The following MYH15 variants were observed in gnomAD, a reference collection of about 807,000 sequenced individuals.
MYH15 encodes myosin heavy chain 15.
MYH15 carries 227 observed loss-of-function variants against 240.5 expected under a neutral mutation model. The observed-to-expected ratio is 0.94, with a 90% CI of 0.85 to 1.05. The LOEUF (loss-of-function observed/expected upper bound fraction) is 1.05, where lower values mean the gene tolerates loss of function less well. MYH15 is among the 50% of genes least tolerant of loss of function. The probability of loss-of-function intolerance (pLI) is 0.00; values close to 1 mark genes in which losing one functional copy is unlikely to be tolerated. For synonymous variants in MYH15, 785 were observed against 796.7 expected, an observed-to-expected ratio of 0.99 and a Z score of 0.25; for missense variants, 2,217 against 2,247.5, an observed-to-expected ratio of 0.99 and a Z score of 0.27.
chr3:108,529,031 G>C (rs1374348854), intron 1 of MYH15, among the ~76,000 whole-genome samples: 1 of 152,190 alleles, frequency 6.6e-6, no homozygotes, highest in Non-Finnish European at 1.5e-5. Context: ...AGAGCACACA[G>C]AATGAAATCA....
intron 21 of MYH15, among the ~76,000 whole-genome samples, chr3:108,449,407 G>C (rs2107574390): frequency 6.6e-6 from 1 of 152,172 alleles, no homozygotes; most frequent in Middle Eastern, 3.4e-3. Flanking sequence ...CAATGGAACA[G>C]ATCAGAGAAC....
intron 24 of MYH15, among the ~76,000 whole-genome samples, chr3:108,438,128 G>A (rs1330654303): frequency 6.6e-6 from 1 of 152,152 alleles, no homozygotes; most frequent in African/African-American, 2.4e-5. Context: ...GCTCCCTGGA[G>A]CAACACCAAG....
chr3:108,447,900 T>C (rs1174843857), intron 21 of MYH15, among the ~76,000 whole-genome samples: 1 of 152,156 alleles, frequency 6.6e-6, no homozygotes, highest in Admixed American at 6.5e-5. Flanking sequence ...AAACTATAGC[T>C]ATAATAACTG....
At chr3:108,423,848 G>A (rs919120777) in intron 27 of MYH15, among the ~76,000 whole-genome samples, 3 of 152,332 alleles carry the variant, frequency 2.0e-5, no homozygotes, top group African/African-American at 7.2e-5. Flanking sequence ...TGTATGAAGT[G>A]GTGATAAAGG....
Position 108,383,607 on chromosome 3 carries a change from C to T in MYH15, c.5754G>A (p.Glu1918=). 6.2e-7 allele frequency: 1 copy of T among 1,612,620 alleles called. No individual in the cohort carries two copies. Among genetic ancestry groups the T allele is most frequent in the Non-Finnish European group, 8.5e-7 (1 of 1,179,378 alleles). The change falls in exon 40 of 41, where the codon GAG becomes GAA. Residue 1918 remains glutamate, a synonymous_variant. Coordinates refer to ENST00000693548, the MANE Select transcript of MYH15 (RefSeq NM_014981.3). ...ATATCTGCCATACCTTTTTCCCAAA[C>T]TCTCTTGCTTTAATTTTGAGTTTAT... ...QVNKLKIKAR[E]FGKKVQEE
intron 26 of MYH15, among the ~76,000 whole-genome samples, 178 bp downstream of exon 26, chr3:108,430,654 T>A (rs1371810273): frequency 6.6e-6 from 1 of 152,218 alleles, no homozygotes; most frequent in African/African-American, 2.4e-5. Context: ...TAAGGAAATT[T>A]AAGCTTAACT....
At chr3:108,421,339 C>G in intron 27 of MYH15, 125 bp from the exon 28 acceptor site, 1 of 1,123,710 alleles carries the variant, frequency 8.9e-7, no homozygotes, top group Non-Finnish European at 1.3e-6. Flanking sequence ...AAGAGCTCAG[C>G]CAGCATTGGG....
the MYH15 span, among the ~76,000 whole-genome samples, chr3:108,534,329 T>A: frequency 6.6e-6 from 1 of 152,208 alleles, no homozygotes; most frequent in Non-Finnish European, 1.5e-5. Flanking sequence ...GATAGTATAT[T>A]TTCTTCTAAT....
chr3:108,534,554 G>C, the MYH15 span, among the ~76,000 whole-genome samples: 7 of 152,002 alleles, frequency 4.6e-5, no homozygotes, highest in Non-Finnish European at 1.0e-4. Context: ...TGTTTCTGAA[G>C]CTTAAGAAAA....
chr3:108,457,289 G>A (rs2083030834), intron 18 of MYH15, among the ~76,000 whole-genome samples: 1 of 152,172 alleles, frequency 6.6e-6, no homozygotes, highest in South Asian at 2.1e-4. Context: ...GCAGGAGGGG[G>A]AAGGGATAAG....
chr3:108,492,883 G>A (rs1330368983), intron 8 of MYH15, among the ~76,000 whole-genome samples: 1 of 151,958 alleles, frequency 6.6e-6, no homozygotes, highest in Non-Finnish European at 1.5e-5. Flanking sequence ...CCAGGAATTC[G>A]AGGCTGCAGT....
In MYH15 at chr3:108,418,552, C is replaced by T. The variant is rs559742677; in HGVS notation, c.3830-1622G>A. On this transcript the variant is annotated intron_variant, in intron 28 of 40. Transcript: ENST00000693548. ...AGTACTATACTAAAATAGCTTCAAC[C>T]TCATAGACCCCCTATAGGCTCCTGA... Among the ~76,000 whole-genome samples the T allele has an allele frequency of 3.9e-5, 6 of 152,110 alleles. No individual in the cohort carries two copies. The South Asian group carries it at 1.3e-3, about 32-fold the overall frequency.
At chr3:108,485,995 T>A (rs1022342909) in intron 10 of MYH15, among the ~76,000 whole-genome samples, 26 of 152,224 alleles carry the variant, frequency 1.7e-4, no homozygotes, top group African/African-American at 6.3e-4. Flanking sequence ...CACTTAAATG[T>A]TTATGAAGAG....
chr3:108,381,450 T>C lies in MYH15; in HGVS notation c.*95A>G, dbSNP rs1161250604. ...TGGTGTGAAAAGCAATTTAAACATG[T>C]TTTTAAAAATGTTTCCATGCAACCT... On this transcript the variant is annotated 3_prime_UTR_variant, in exon 41 of 41. Coordinates refer to ENST00000693548, the MANE Select transcript of MYH15 (RefSeq NM_014981.3). 7.2e-7 allele frequency: 1 copy of C among 1,389,378 alleles called. No homozygotes were observed. The highest frequency in any genetic ancestry group is 1.4e-5 in the African/African-American group (1 of 70,132). The allele number at this position is 1,389,378 out of a possible 1,614,324, so 86.1% of individuals were successfully genotyped here.
intron 28 of MYH15, among the ~76,000 whole-genome samples, chr3:108,418,538 A>G (rs1014324069): frequency 5.9e-5 from 9 of 152,208 alleles, no homozygotes; most frequent in African/African-American, 2.2e-4. Context: ...GTACTATACT[A>G]AAATAGCTTC....
chr3:108,429,751 A>G (rs2082761997), intron 26 of MYH15, among the ~76,000 whole-genome samples: 1 of 152,198 alleles, frequency 6.6e-6, no homozygotes, highest in Non-Finnish European at 1.5e-5. Flanking sequence ...GAAAAAACTA[A>G]TTTCTAGATT....
intron 35 of MYH15, among the ~76,000 whole-genome samples, chr3:108,394,569 C>A (rs10511270): frequency 0.068 from 10,385 of 152,254 alleles, 1,098 homozygotes; most frequent in East Asian, 0.48. Flanking sequence ...AAAATTGTAA[C>A]TCCAAGTATG....
chr3:108,385,150 G>A (rs2082371878), intron 38 of MYH15, among the ~76,000 whole-genome samples: 2 of 152,146 alleles, frequency 1.3e-5, no homozygotes, highest in African/African-American at 4.8e-5. Flanking sequence ...GGTAGTGGGG[G>A]TGCATTCAGA....
At chr3:108,483,538 T>C (rs2107594869) in intron 11 of MYH15, among the ~76,000 whole-genome samples, 2 of 152,288 alleles carry the variant, frequency 1.3e-5, no homozygotes, top group East Asian at 3.9e-4. Flanking sequence ...AACAATATGA[T>C]GGCTCCTAGA....
Sources: gnomAD v4.1 joint callset for allele counts (sites outside exome capture counted in the v4.1 genomes callset) on GRCh38, gnomAD v4.1.1 for gene constraint, MANE v1.5 for transcripts, NCBI Gene and HGNC (gene_info 2026-07-23, HGNC 2026-07-21) for gene names.